The following CLMN variants were observed in gnomAD, a reference collection of about 807,000 sequenced individuals.
CLMN encodes calmin.
In CLMN, 57 loss-of-function variants were observed where a neutral mutation model predicts 92.7. The observed-to-expected ratio is 0.61, with a 90% confidence interval of 0.50 to 0.77. The LOEUF is 0.77. Among genes scored for constraint, CLMN ranks in the 30% least tolerant of loss-of-function variants. The probability of loss-of-function intolerance (pLI) is 0.00; values close to 1 mark genes in which losing one functional copy is unlikely to be tolerated. For missense variants in CLMN, 1,158 were observed against 1,237.5 expected (o/e 0.94, Z 0.96); for synonymous variants, 466 against 470.6 (o/e 0.99, Z 0.13).
chr14:95,271,734 A>G (rs1031813533), intron 1 of CLMN, among the ~76,000 whole-genome samples: 28 of 152,232 alleles, frequency 1.8e-4, no homozygotes, highest in Non-Finnish European at 2.9e-4. Flanking sequence ...CTGTATATCT[A>G]TCTGCATAAC....
Position 95,204,218 on chromosome 14 carries a change from G to A in CLMN, c.1131C>T (p.Thr377=), listed in dbSNP as rs373766379. 4.9e-5 allele frequency: 79 copies of A among 1,614,012 alleles called. No individual in the cohort carries two copies. Among genetic ancestry groups the A allele is most frequent in the South Asian group, 8.8e-5 (8 of 91,084 alleles). Residue 377 remains threonine (T), a synonymous_variant, in exon 9 of 13, where the codon ACC becomes ACT. Coordinates refer to ENST00000298912, the MANE Select transcript of CLMN (RefSeq NM_024734.4). ...VSSHALSDSS[T]EFMHQIIDQV... ...GGTCAATAATCTGGTGCATGAACTC[G>A]GTGGAGCTGTCTGACAGCGCATGGC...
Position 95,184,024 on chromosome 14 carries a change from A to G in CLMN, c.*7540T>C, listed in dbSNP as rs903973562. 6.6e-6 allele frequency: 1 copy of G among 152,218 alleles called. No homozygotes were observed. The highest frequency in any genetic ancestry group is 1.5e-5 in the Non-Finnish European group (1 of 68,026). The allele number at this position is 152,218 out of a possible 1,614,324, so 9.4% of individuals were successfully genotyped here. On this transcript the variant is annotated 3_prime_UTR_variant, in exon 13 of 13. Transcript: ENST00000298912. Reference sequence around the variant, plus strand: ...GATTGGAGAGAGGTTGGAAGAAGCTATGGTACACTAAGGGTTAGGGAAAGA... The same window carrying G: ...GATTGGAGAGAGGTTGGAAGAAGCTGTGGTACACTAAGGGTTAGGGAAAGA...
At chr14:95,213,153 C>T (rs1273767727) in intron 6 of CLMN, 66 bp downstream of exon 6, 10 of 1,526,300 alleles carry the variant, frequency 6.6e-6, no homozygotes, top group Non-Finnish European at 9.0e-7. Flanking sequence ...AATACTAATT[C>T]TCCTTTCCTC....
intron 1 of CLMN, among the ~76,000 whole-genome samples, chr14:95,297,717 T>C (rs56133421): frequency 0.058 from 8,823 of 152,072 alleles, 292 homozygotes; most frequent in Middle Eastern, 0.085. Flanking sequence ...TGAGCAGTAT[T>C]CCACTGCATG....
At chr14:95,196,730 T>C in intron 9 of CLMN, 36 bp from the exon 10 acceptor site, 1 of 1,597,346 alleles carries the variant, frequency 6.3e-7, no homozygotes, top group South Asian at 1.1e-5. Context: ...AGTCAGTATG[T>C]CACGCTGCAG....
chr14:95,310,446 A>G (rs996763217), intron 1 of CLMN, among the ~76,000 whole-genome samples: 1 of 152,196 alleles, frequency 6.6e-6, no homozygotes, highest in Non-Finnish European at 1.5e-5. Flanking sequence ...ATAATCCAAG[A>G]TAATCTCCTT....
chr14:95,310,608 G>A (rs1354427585), intron 1 of CLMN, among the ~76,000 whole-genome samples: 1 of 152,194 alleles, frequency 6.6e-6, no homozygotes, highest in Non-Finnish European at 1.5e-5. Context: ...CCATGTTAGG[G>A]GCTGGCAGGA....
At chr14:95,245,209 T>TA (rs1898450395) in intron 1 of CLMN, among the ~76,000 whole-genome samples, 50 of 19,598 alleles carry the variant, frequency 2.6e-3, no homozygotes, top group African/African-American at 5.1e-3. Context: ...ATATATATAT[T>TA]ATATATATAT....
rs2140698420 is a variant in CLMN, at chr14:95,259,865, T to C, written c.83-29732A>G. ...TCCCCACACCCACCTGGACGGCTAT[T>C]CCCTTGCGCTTGGTGGCTCCTGAAT... On this transcript the variant is annotated intron_variant, in intron 1 of 12. Coordinates refer to ENST00000298912, the MANE Select transcript of CLMN (RefSeq NM_024734.4). The surrounding 1 kb of genome is among the most constrained non-coding windows in gnomAD (Gnocchi z 4.3). Among the ~76,000 whole-genome samples the C allele has an allele frequency of 6.6e-6, 1 of 152,296 alleles. No homozygotes were observed. The highest frequency in any genetic ancestry group is 1.9e-4 in the East Asian group (1 of 5,180).
rs1286812953 is a variant in CLMN, at chr14:95,194,348, C to T, written c.2769+188G>A. ...TAAAATCCTCACTTTATTTACATCTCTTATTGCCCAAACCGGATATCCGAT... is the reference window on the plus strand; with the variant it reads ...TAAAATCCTCACTTTATTTACATCTTTTATTGCCCAAACCGGATATCCGAT... On this transcript the variant is annotated intron_variant, in intron 11 of 12. Transcript: ENST00000298912. The surrounding 1 kb of genome is among the most constrained non-coding windows in gnomAD (Gnocchi z 4.0). 1.4e-6 allele frequency: 2 copies of T among 1,438,100 alleles called. No individual in the cohort carries two copies. The highest frequency in any genetic ancestry group is 2.8e-5 in the Admixed American group (1 of 35,326). The allele number at this position is 1,438,100 out of a possible 1,614,324, so 89.1% of individuals were successfully genotyped here. A position where few individuals can be genotyped will look rare whatever the true frequency, so the allele number is the denominator to read the frequency against.
rs1660535669 is a variant in CLMN at position 95,191,457 on chromosome 14, G to A, written c.*107C>T. The A allele has an allele frequency of 1.3e-6, 1 of 767,784 alleles. No individual in the cohort carries two copies. The highest frequency in any genetic ancestry group is 1.9e-6 in the Non-Finnish European group (1 of 532,636). The allele number at this position is 767,784 out of a possible 1,614,324, so 47.6% of individuals were successfully genotyped here. A position where few individuals can be genotyped will look rare whatever the true frequency, so the allele number is the denominator to read the frequency against. On this transcript the variant is annotated 3_prime_UTR_variant, in exon 13 of 13. Coordinates refer to ENST00000298912, the MANE Select transcript of CLMN (RefSeq NM_024734.4). The surrounding 1 kb of genome is among the most constrained non-coding windows in gnomAD (Gnocchi z 5.3). ...GAGAAAGGGGGTCTAAGTTTCCTCGGAGGTCCTCAACTGTCTGTAGAAGTG... is the reference window on the plus strand; with the variant it reads ...GAGAAAGGGGGTCTAAGTTTCCTCGAAGGTCCTCAACTGTCTGTAGAAGTG...
chr14:95,305,012 G>C (rs1174428804), intron 1 of CLMN, among the ~76,000 whole-genome samples: 4 of 152,144 alleles, frequency 2.6e-5, no homozygotes, highest in Non-Finnish European at 5.9e-5. Context: ...TTTAAAGAGG[G>C]GAAAGCAACC....
At chr14:95,269,173 C>T (rs1372185337) in intron 1 of CLMN, among the ~76,000 whole-genome samples, 1 of 151,980 alleles carries the variant, frequency 6.6e-6, no homozygotes, top group Non-Finnish European at 1.5e-5. Flanking sequence ...ACTCTTCATC[C>T]ACCAAGACGT....
At chr14:95,258,692 G>C (rs1373771926) in intron 1 of CLMN, among the ~76,000 whole-genome samples, 1 of 146,632 alleles carries the variant, frequency 6.8e-6, no homozygotes, top group Non-Finnish European at 1.5e-5. Context: ...TGTGGTGTGT[G>C]GTTGTGTGTG....
At chr14:95,309,763 C>A (rs1317488545) in intron 1 of CLMN, among the ~76,000 whole-genome samples, 1 of 152,218 alleles carries the variant, frequency 6.6e-6, no homozygotes, top group East Asian at 1.9e-4. Context: ...ACAGGGCAGT[C>A]CAGCTGTGCA....
chr14:95,268,753 G>A (rs997750697), intron 1 of CLMN, among the ~76,000 whole-genome samples: 1 of 143,632 alleles, frequency 7.0e-6, no homozygotes, highest in Non-Finnish European at 1.5e-5. Flanking sequence ...TACCACTGCA[G>A]AAACTAGTGA....
At chr14:95,239,280 C>T (rs1898165441) in intron 1 of CLMN, among the ~76,000 whole-genome samples, 1 of 152,004 alleles carries the variant, frequency 6.6e-6, no homozygotes, top group Non-Finnish European at 1.5e-5. Context: ...AAGACATAGA[C>T]CTCATGGGCT....
intron 1 of CLMN, among the ~76,000 whole-genome samples, chr14:95,311,963 C>T (rs1034865051): frequency 6.6e-6 from 1 of 152,156 alleles, no homozygotes; most frequent in Non-Finnish European, 1.5e-5. Flanking sequence ...TGCCCTCTGT[C>T]GGGAAGCCTC....
chr14:95,264,891 G>C (rs1899408519), intron 1 of CLMN, among the ~76,000 whole-genome samples: 1 of 149,550 alleles, frequency 6.7e-6, no homozygotes, highest in African/African-American at 2.5e-5. Flanking sequence ...TGGGCAACAT[G>C]GATCTACCAA....
Sources: allele counts gnomAD v4.1 joint callset (sites outside exome capture counted in the v4.1 genomes callset), GRCh38; gene constraint gnomAD v4.1.1; non-coding constraint Gnocchi (gnomAD v3.1); transcripts MANE v1.5; gene names NCBI Gene and HGNC (gene_info 2026-07-23, HGNC 2026-07-21).